ZMAT4: variants seen among roughly 807,000 people sequenced by gnomAD.
ZMAT4 encodes the protein zinc finger matrin-type protein 4.
ZMAT4 carries 17 observed loss-of-function variants against 28.7 expected under a neutral mutation model. That is an observed-to-expected ratio of 0.59 (90% CI 0.41 to 0.89). The LOEUF (loss-of-function observed/expected upper bound fraction) is 0.89. ZMAT4 is among the 40% of genes least tolerant of loss of function. ZMAT4 has a pLI of 0.00. For missense variants in ZMAT4, 240 were observed against 283.8 expected, an observed-to-expected ratio of 0.85 and a Z score of 1.11; for synonymous variants, 117 against 109.2, an observed-to-expected ratio of 1.07 and a Z score of -0.44.
chr8:40,677,385 G>A (rs770478272), intron 4 of ZMAT4, among the ~76,000 whole-genome samples: 2 of 151,926 alleles, frequency 1.3e-5, no homozygotes, highest in Non-Finnish European at 1.5e-5. Flanking sequence ...GCAGGCAAAG[G>A]CAGTAGCATA....
chr8:40,637,355 C>T (rs1163781894), intron 5 of ZMAT4, among the ~76,000 whole-genome samples: 1 of 152,190 alleles, frequency 6.6e-6, no homozygotes, highest in African/African-American at 2.4e-5. Context: ...GAATTATTGA[C>T]AGTGAGGCTG....
chr8:40,531,019 C>A lies in ZMAT4; in HGVS notation c.*1204G>T, dbSNP rs1382316938. The A allele has an allele frequency of 1.3e-5, 2 of 152,640 alleles. No homozygotes were observed. The highest frequency in any genetic ancestry group is 2.9e-5 in the Non-Finnish European group (2 of 68,106). 9.5% of individuals were successfully genotyped at this position (152,640 alleles called of 1,614,324 possible). On this transcript the variant is annotated 3_prime_UTR_variant, in exon 7 of 7. Transcript: ENST00000297737. ...CACAAGAAGATGGATTGCCTATGGT[C>A]GTTAGGGACACAGGGCAGCCCCAGC...
chr8:40,805,457 G>A (rs1283760039), intron 2 of ZMAT4, among the ~76,000 whole-genome samples: 4 of 149,386 alleles, frequency 2.7e-5, no homozygotes, highest in African/African-American at 1.0e-4. Flanking sequence ...CCAAAGGACT[G>A]TAAATCATGC....
At chr8:40,799,043 A>ATGGC (rs1459715208) in intron 2 of ZMAT4, among the ~76,000 whole-genome samples, 3 of 151,656 alleles carry the variant, frequency 2.0e-5, no homozygotes, top group East Asian at 1.9e-4. Flanking sequence ...AGAAGGATAG[A>ATGGC]TGGCTGGCTG....
intron 2 of ZMAT4, among the ~76,000 whole-genome samples, chr8:40,789,808 C>T (rs766876205): frequency 3.5e-4 from 54 of 152,306 alleles, no homozygotes; most frequent in Middle Eastern, 3.4e-3. Context: ...GGAAGGCAAA[C>T]TACTGTGTAG....
chr8:40,611,908 A>T (rs761882543), intron 5 of ZMAT4, among the ~76,000 whole-genome samples: 1 of 152,240 alleles, frequency 6.6e-6, no homozygotes, highest in Non-Finnish European at 1.5e-5. Flanking sequence ...TGAAAGATTT[A>T]GGGTCTGGAA....
chr8:40,660,061 C>T (rs563669659), intron 5 of ZMAT4, among the ~76,000 whole-genome samples: 3 of 152,286 alleles, frequency 2.0e-5, no homozygotes, highest in African/African-American at 7.2e-5. Flanking sequence ...GCTACCATGC[C>T]ACTGGCCCAT....
At chr8:40,821,885 G>A (rs1374562109) in intron 2 of ZMAT4, among the ~76,000 whole-genome samples, 2 of 152,104 alleles carry the variant, frequency 1.3e-5, no homozygotes, top group Non-Finnish European at 2.9e-5. Context: ...ACTCCTTAAA[G>A]ATAGATACCA....
At chr8:40,727,734 C>T (rs950675923) in intron 3 of ZMAT4, among the ~76,000 whole-genome samples, 2 of 152,116 alleles carry the variant, frequency 1.3e-5, no homozygotes, top group Non-Finnish European at 2.9e-5. Flanking sequence ...GTAGAGAACA[C>T]CTTCTATTTT....
chr8:40,591,720 A>G (rs1179520616), intron 5 of ZMAT4, among the ~76,000 whole-genome samples: 1 of 152,190 alleles, frequency 6.6e-6, no homozygotes, highest in African/African-American at 2.4e-5. Context: ...TATTCTTCTC[A>G]TCAAACCCTG....
chr8:40,798,679 C>A (rs898223932), intron 2 of ZMAT4, among the ~76,000 whole-genome samples: 28 of 152,190 alleles, frequency 1.8e-4, no homozygotes, highest in African/African-American at 6.8e-4. Flanking sequence ...ATAATTCTTA[C>A]CTGCTTTCCC....
Position 40,532,062 on chromosome 8 carries a change from C to T in ZMAT4, c.*161G>A, listed in dbSNP as rs1802707768. On this transcript the variant is annotated 3_prime_UTR_variant, in exon 7 of 7. Transcript: ENST00000297737. ...AAAAGGAAAAAGAAAAAAGAAACCT[C>T]ATTCATTTCCAAAAATCAAGATCAG... 2 of 544,714 alleles carry T rather than the reference C, an allele frequency of 3.7e-6. No individual in the cohort carries two copies. Among genetic ancestry groups the T allele is most frequent in the Non-Finnish European group, 5.8e-6 (2 of 347,756 alleles). 33.7% of individuals were successfully genotyped at this position (544,714 alleles called of 1,614,324 possible).
At chr8:40,881,434 A>AGAAAGAAG (rs1767835839) in intron 1 of ZMAT4, among the ~76,000 whole-genome samples, 1 of 10,476 alleles carries the variant, frequency 9.5e-5, no homozygotes, top group African/African-American at 3.8e-4. Flanking sequence ...GAAGAAAGAG[A>AGAAAGAAG]GAAAGAAAGA....
At chr8:40,770,868 T>C (rs1332964192) in intron 2 of ZMAT4, among the ~76,000 whole-genome samples, 2 of 152,114 alleles carry the variant, frequency 1.3e-5, no homozygotes, top group Non-Finnish European at 2.9e-5. Context: ...ACACTTACAG[T>C]GTCTTCCTCT....
intron 1 of ZMAT4, among the ~76,000 whole-genome samples, chr8:40,847,942 C>G (rs1014156707): frequency 2.0e-5 from 3 of 152,326 alleles, no homozygotes; most frequent in Admixed American, 2.0e-4. Flanking sequence ...TTTGAAAGCA[C>G]ACATGATGTG....
rs547720964 is a variant in ZMAT4 at position 40,875,327 on chromosome 8, C to T, written c.-5+22356G>A. 1.1e-4 allele frequency among the ~76,000 whole-genome samples: 16 copies of T among 152,276 alleles called. No homozygotes were observed. The East Asian group carries it at 2.9e-3, about 28-fold the overall frequency. On this transcript the variant is annotated intron_variant, in intron 1 of 6. Coordinates refer to ENST00000297737, the MANE Select transcript of ZMAT4 (RefSeq NM_024645.3). Reference sequence around the variant, plus strand: ...GCATCTTGCCTTTACCCAGGACCAACCCCCCAGGTGTGGTGACTGCAGGTT... The same window carrying T: ...GCATCTTGCCTTTACCCAGGACCAATCCCCCAGGTGTGGTGACTGCAGGTT...
chr8:40,825,646 A>C lies in ZMAT4; in HGVS notation c.31T>G (p.Phe11Val). ...CACACCTTGCAGTAACTGTCTGTGA[A>C]TAAATCCTGATCAATATCGGAGGAC... MKSSDIDQDL[F>V]TDSYCKVCSA... The change falls in exon 2 of 7, where the codon TTC becomes GTC. Residue 11 changes from phenylalanine to valine, a missense_variant. Coordinates refer to ENST00000297737, the MANE Select transcript of ZMAT4 (RefSeq NM_024645.3). The C allele has an allele frequency of 6.4e-7, 1 of 1,555,272 alleles. No individual in the cohort carries two copies. Among genetic ancestry groups the C allele is most frequent in the Non-Finnish European group, 8.7e-7 (1 of 1,148,324 alleles).
At chr8:40,819,789 C>G (rs1815681844) in intron 2 of ZMAT4, among the ~76,000 whole-genome samples, 1 of 152,026 alleles carries the variant, frequency 6.6e-6, no homozygotes, top group African/African-American at 2.4e-5. Context: ...TAGGTCTACT[C>G]AGTACCTTCT....
intron 1 of ZMAT4, among the ~76,000 whole-genome samples, chr8:40,834,030 T>G (rs1816387823): frequency 6.6e-6 from 1 of 152,248 alleles, no homozygotes; most frequent in Non-Finnish European, 1.5e-5. Flanking sequence ...GCTGCATCGC[T>G]GACTCACACC....
Sources: allele counts gnomAD v4.1 joint callset (sites outside exome capture counted in the v4.1 genomes callset), GRCh38; gene constraint gnomAD v4.1.1; transcripts MANE v1.5; gene names NCBI Gene and HGNC (gene_info 2026-07-23, HGNC 2026-07-21).